The following HPCAL1 variants were observed in gnomAD, a reference collection of about 807,000 sequenced individuals.
HPCAL1 encodes the protein hippocalcin-like protein 1.
In HPCAL1, 8 loss-of-function variants were observed where a neutral mutation model predicts 17.1. That is an observed-to-expected ratio of 0.47 (90% CI 0.27 to 0.84). The LOEUF (loss-of-function observed/expected upper bound fraction) is 0.84. HPCAL1 is among the 40% of genes least tolerant of loss of function. The pLI, the probability that HPCAL1 is intolerant of heterozygous loss-of-function variation, is 0.13. For synonymous variants in HPCAL1, 112 were observed against 111.4 expected (o/e 1.01, Z -0.03); for missense variants, 165 against 271.1 (o/e 0.61, Z 2.75).
intron 1 of HPCAL1, among the ~76,000 whole-genome samples, chr2:10,345,458 G>C (rs1424871703): frequency 1.2e-5 from 1 of 86,158 alleles, no homozygotes; most frequent in Non-Finnish European, 2.1e-5. Flanking sequence ...ATTTGTCCTA[G>C]AAAAACTTTT....
At chr2:10,409,582 G>A (rs947535789) in intron 2 of HPCAL1, among the ~76,000 whole-genome samples, 2 of 152,096 alleles carry the variant, frequency 1.3e-5, no homozygotes, top group African/African-American at 2.4e-5. Context: ...AGCGGTCACC[G>A]GGAGAAAGAA....
chr2:10,322,188 A>G (rs1289646788), intron 1 of HPCAL1, among the ~76,000 whole-genome samples: 1 of 152,154 alleles, frequency 6.6e-6, no homozygotes, highest in Admixed American at 6.5e-5. Context: ...ATTCCTGGAT[A>G]ATTTTTAAAT....
chr2:10,388,470 C>G (rs1668471217), intron 1 of HPCAL1, among the ~76,000 whole-genome samples: 1 of 152,194 alleles, frequency 6.6e-6, no homozygotes, highest in Non-Finnish European at 1.5e-5. Context: ...AAACAAGTTT[C>G]AGTCTCAAGA....
chr2:10,388,534 G>A (rs1185445533), intron 1 of HPCAL1, among the ~76,000 whole-genome samples: 5 of 152,234 alleles, frequency 3.3e-5, no homozygotes, highest in African/African-American at 4.8e-5. Flanking sequence ...GTCACTGGGA[G>A]AAGACTGCAG....
intron 1 of HPCAL1, among the ~76,000 whole-genome samples, chr2:10,315,740 C>T (rs772590003): frequency 5.3e-5 from 8 of 152,206 alleles, no homozygotes; most frequent in Non-Finnish European, 1.2e-4. Context: ...CGTGCGGTGG[C>T]TCATGCCTGT....
At chr2:10,401,188 G>A (rs1300726766) in intron 2 of HPCAL1, among the ~76,000 whole-genome samples, 4 of 152,002 alleles carry the variant, frequency 2.6e-5, no homozygotes, top group Non-Finnish European at 5.9e-5. Flanking sequence ...CCATGTCACC[G>A]GCCTCTCTAG....
At chr2:10,402,018 G>A (rs534052950) in intron 2 of HPCAL1, among the ~76,000 whole-genome samples, 1 of 152,176 alleles carries the variant, frequency 6.6e-6, no homozygotes, top group Non-Finnish European at 1.5e-5. Flanking sequence ...CTCTGCCTCA[G>A]CCTCCTGAGT....
intron 3 of HPCAL1, among the ~76,000 whole-genome samples, chr2:10,422,218 A>G (rs898045869): frequency 2.0e-5 from 3 of 152,168 alleles, no homozygotes; most frequent in African/African-American, 7.2e-5. Context: ...CTCATGGGAC[A>G]CTTGGTTGCT....
At chr2:10,397,485 G>A (rs1158218420) in intron 2 of HPCAL1, among the ~76,000 whole-genome samples, 1 of 150,768 alleles carries the variant, frequency 6.6e-6, no homozygotes, top group African/African-American at 2.4e-5. Context: ...CCGGGCCCAG[G>A]GTCTGTCTGA....
intron 1 of HPCAL1, among the ~76,000 whole-genome samples, chr2:10,312,026 TTCATCATCACTG>T (rs1329946125): frequency 6.7e-6 from 1 of 149,246 alleles, no homozygotes; most frequent in Admixed American, 6.7e-5. Flanking sequence ...ATCGTCACCA[TTCATCATCACTG>T]TCATCATCAT....
At chr2:10,402,269 G>C (rs893506171) in intron 2 of HPCAL1, among the ~76,000 whole-genome samples, 1 of 152,212 alleles carries the variant, frequency 6.6e-6, no homozygotes, top group Non-Finnish European at 1.5e-5. Flanking sequence ...GACTGGAAGC[G>C]CTCTGAGGGC....
intron 1 of HPCAL1, among the ~76,000 whole-genome samples, chr2:10,393,488 G>A (rs1230542440): frequency 1.3e-5 from 2 of 152,240 alleles, no homozygotes; most frequent in African/African-American, 4.8e-5. Context: ...CACAGGATGT[G>A]CCCAAGGCAC....
chr2:10,325,319 G>A (rs1663941292), intron 1 of HPCAL1, among the ~76,000 whole-genome samples: 1 of 152,164 alleles, frequency 6.6e-6, no homozygotes, highest in Non-Finnish European at 1.5e-5. Context: ...GTTCACAGGT[G>A]TGCTCTCCCA....
chr2:10,413,387 T>C (rs1670468459), intron 2 of HPCAL1, among the ~76,000 whole-genome samples: 1 of 152,370 alleles, frequency 6.6e-6, no homozygotes, highest in Admixed American at 6.5e-5. Flanking sequence ...AGCAGGTTCT[T>C]GTGCATGTGT....
At chr2:10,383,682 AAAAAG>A (rs1553353353) in intron 1 of HPCAL1, among the ~76,000 whole-genome samples, 1 of 109,244 alleles carries the variant, frequency 9.2e-6, no homozygotes, top group Non-Finnish European at 1.8e-5. Context: ...TTCTCAAAAA[AAAAAG>A]AAAAGAAAAG....
chr2:10,423,990 G>A (rs1671241712), intron 4 of HPCAL1: 11 of 153,914 alleles, frequency 7.1e-5, no homozygotes, highest in Admixed American at 7.1e-4. Flanking sequence ...CTACTCGGGA[G>A]GCTGAGGCAG....
intron 4 of HPCAL1, chr2:10,426,491 G>A (rs1216399175): frequency 5.8e-6 from 3 of 519,872 alleles, no homozygotes; most frequent in East Asian, 6.7e-5. Flanking sequence ...TGCTGAGCTT[G>A]CTGGGTAAGC....
At chr2:10,317,973 A>C (rs1481808405) in intron 1 of HPCAL1, among the ~76,000 whole-genome samples, 2 of 152,246 alleles carry the variant, frequency 1.3e-5, no homozygotes, top group Non-Finnish European at 2.9e-5. Context: ...TGTTGGATGG[A>C]CAATAACATC....
chr2:10,418,471 AC>A lies in HPCAL1; in HGVS notation c.-24-1262del, dbSNP rs368572951. Among the ~76,000 whole-genome samples the A allele has an allele frequency of 4.0e-3, 523 of 130,632 alleles. 11 individuals are homozygous for A. The highest frequency in any genetic ancestry group is 7.0e-3 in the African/African-American group (243 of 34,738). 85.7% of individuals were successfully genotyped at this position (130,632 alleles called of 152,430 possible). ...CAAAAAAAAAAAAAAAAAAAAAAAA[AC>A]AACCCTGGGATAGAGGCAGAGAAGA... is the stretch of plus-strand genomic sequence containing the variant. On this transcript the variant is annotated intron_variant, in intron 2 of 4. Transcript: ENST00000307845.
Sources: allele counts gnomAD v4.1 joint callset (sites outside exome capture counted in the v4.1 genomes callset), GRCh38; gene constraint gnomAD v4.1.1; transcripts MANE v1.5; gene names NCBI Gene and HGNC (gene_info 2026-07-23, HGNC 2026-07-21).